The following TMEM200A variants were observed in gnomAD, a reference collection of about 807,000 sequenced individuals.
TMEM200A encodes two transmembrane C.
In TMEM200A, 12 loss-of-function variants were observed where a neutral mutation model predicts 24.3. That is an observed-to-expected ratio of 0.49 (90% CI 0.32 to 0.80). TMEM200A has a LOEUF of 0.80. TMEM200A is among the 30% of genes least tolerant of loss of function. The probability of loss-of-function intolerance (pLI) is 0.04; values close to 1 mark genes in which losing one functional copy is unlikely to be tolerated. For synonymous variants in TMEM200A, 224 were observed against 224.4 expected (o/e 1.00, Z 0.02); for missense variants, 545 against 614.4 (o/e 0.89, Z 1.19).
intron 2 of TMEM200A, among the ~76,000 whole-genome samples, chr6:130,411,884 A>AG (rs1025619548): frequency 6.6e-6 from 1 of 152,186 alleles, no homozygotes; most frequent in African/African-American, 2.4e-5. Flanking sequence ...GTTTTTTGTA[A>AG]GGGGGTACAT....
chr6:130,424,730 A>T (rs1383726224), intron 2 of TMEM200A, among the ~76,000 whole-genome samples: 1 of 152,134 alleles, frequency 6.6e-6, no homozygotes, highest in Non-Finnish European at 1.5e-5. Context: ...TGGGGGAGCC[A>T]TGATGGTGAC....
At chr6:130,397,918 G>A (rs1372295482) in intron 2 of TMEM200A, among the ~76,000 whole-genome samples, 1 of 150,840 alleles carries the variant, frequency 6.6e-6, no homozygotes, top group Non-Finnish European at 1.5e-5. Flanking sequence ...TATTTTAGTG[G>A]GTAGCTCTAG....
chr6:130,441,971 T>G lies in TMEM200A; in HGVS notation c.*73T>G. On this transcript the variant is annotated 3_prime_UTR_variant, in exon 3 of 3. Coordinates refer to ENST00000296978, the MANE Select transcript of TMEM200A (RefSeq NM_001258277.2). ...TTTCACTGGTGTTTCCTTCTTAAAG[T>G]ATTGGCTGTAAGCCTTTTTAATCAA... is the stretch of plus-strand genomic sequence containing the variant. 1 of 1,396,974 alleles carries G rather than the reference T, an allele frequency of 7.2e-7. No individual in the cohort carries two copies. The highest frequency in any genetic ancestry group is 1.5e-5 in the African/African-American group (1 of 68,664). The allele number at this position is 1,396,974 out of a possible 1,614,324, so 86.5% of individuals were successfully genotyped here. A position where few individuals can be genotyped will look rare whatever the true frequency, so the allele number is the denominator to read the frequency against.
intron 2 of TMEM200A, among the ~76,000 whole-genome samples, chr6:130,426,089 T>TTAAA (rs756808537): frequency 3.9e-5 from 6 of 152,186 alleles, no homozygotes; most frequent in Non-Finnish European, 5.9e-5. Context: ...TAAACTCATT[T>TTAAA]TAAATAAGCC....
intron 1 of TMEM200A, chr6:130,383,210 C>G: frequency 3.7e-6 from 1 of 266,858 alleles, no homozygotes. Context: ...AAACCAAGGG[C>G]ATTAACTAGC....
At chr6:130,399,940 G>A (rs1427037193) in intron 2 of TMEM200A, among the ~76,000 whole-genome samples, 4 of 151,898 alleles carry the variant, frequency 2.6e-5, no homozygotes, top group South Asian at 2.1e-4. Context: ...ACAATGTTTG[G>A]TTTTGCATTC....
intron 1 of TMEM200A, among the ~76,000 whole-genome samples, chr6:130,380,059 A>G (rs900397751): frequency 2.0e-5 from 3 of 152,208 alleles, no homozygotes; most frequent in Admixed American, 2.0e-4. Flanking sequence ...ATTTGGGTTC[A>G]GTTTCTTCAA....
chr6:130,410,916 C>T (rs1227762582), intron 2 of TMEM200A, among the ~76,000 whole-genome samples: 9 of 152,172 alleles, frequency 5.9e-5, no homozygotes, highest in Non-Finnish European at 1.3e-4. Context: ...CGCCTATAAT[C>T]CCAGCACTTT....
intron 1 of TMEM200A, among the ~76,000 whole-genome samples, chr6:130,371,262 T>G (rs1307578702): frequency 6.6e-6 from 1 of 152,134 alleles, no homozygotes; most frequent in East Asian, 1.9e-4. Context: ...CCTAGGGGCA[T>G]GTATAGAACT....
At chr6:130,426,372 A>C (rs1398215433) in intron 2 of TMEM200A, among the ~76,000 whole-genome samples, 2 of 151,388 alleles carry the variant, frequency 1.3e-5, no homozygotes, top group African/African-American at 4.9e-5. Flanking sequence ...ATTTCAAGGC[A>C]TGAAAATTAA....
chr6:130,395,122 C>T (rs929313497), intron 2 of TMEM200A, among the ~76,000 whole-genome samples: 6 of 152,206 alleles, frequency 3.9e-5, no homozygotes, highest in Non-Finnish European at 8.8e-5. Flanking sequence ...TACCTATCTT[C>T]ATAGCTCCTT....
intron 2 of TMEM200A, among the ~76,000 whole-genome samples, chr6:130,404,090 T>C (rs532986710): frequency 6.6e-6 from 1 of 152,312 alleles, no homozygotes; most frequent in African/African-American, 2.4e-5. Context: ...GGCATTTAGG[T>C]TGATTCTATG....
chr6:130,438,402 G>T (rs1047544778), intron 2 of TMEM200A: 3 of 152,194 alleles, frequency 2.0e-5, no homozygotes, highest in African/African-American at 7.2e-5. Flanking sequence ...TGCAAGATGA[G>T]ATTTGATGCC....
intron 2 of TMEM200A, among the ~76,000 whole-genome samples, chr6:130,415,547 G>A (rs1057357901): frequency 2.6e-5 from 4 of 152,102 alleles, no homozygotes; most frequent in Non-Finnish European, 5.9e-5. Context: ...TCCGTAACAT[G>A]GCAGATCCTT....
chr6:130,408,234 A>G (rs925110101), intron 2 of TMEM200A, among the ~76,000 whole-genome samples: 4 of 152,204 alleles, frequency 2.6e-5, no homozygotes, highest in African/African-American at 9.6e-5. Context: ...AAGGATGGAT[A>G]GGAATTTACC....
intron 2 of TMEM200A, among the ~76,000 whole-genome samples, chr6:130,404,939 G>A (rs1779172300): frequency 6.6e-6 from 1 of 151,998 alleles, no homozygotes; most frequent in Admixed American, 6.6e-5. Context: ...CATTGTTTTT[G>A]TCAGGTTTGT....
chr6:130,408,942 C>T (rs72992487), intron 2 of TMEM200A, among the ~76,000 whole-genome samples: 3 of 151,984 alleles, frequency 2.0e-5, no homozygotes, highest in Non-Finnish European at 4.4e-5. Flanking sequence ...ACCACCACCC[C>T]CTCCCTGACC....
At chr6:130,382,603 G>C (rs2115092174) in intron 1 of TMEM200A, among the ~76,000 whole-genome samples, 1 of 152,244 alleles carries the variant, frequency 6.6e-6, no homozygotes, top group Non-Finnish European at 1.5e-5. Context: ...CCTAAACCCA[G>C]GGCTATAAGT....
At chr6:130,402,604 T>C (rs1001508020) in intron 2 of TMEM200A, among the ~76,000 whole-genome samples, 3 of 152,090 alleles carry the variant, frequency 2.0e-5, no homozygotes, top group African/African-American at 7.2e-5. Flanking sequence ...GCATATATCA[T>C]AGCCAAGACT....
Sources: gnomAD v4.1 joint callset for allele counts (sites outside exome capture counted in the v4.1 genomes callset) on GRCh38, gnomAD v4.1.1 for gene constraint, MANE v1.5 for transcripts, NCBI Gene and HGNC (gene_info 2026-07-23, HGNC 2026-07-21) for gene names.